Variants in KIAA0753 observed in about 807,000 individuals in gnomAD.
KIAA0753 encodes the protein KIAA0753, also known as protein moonraker.
Under a neutral mutation model 116.9 loss-of-function variants are expected in KIAA0753, and 114 were observed. The observed-to-expected ratio is 0.98, with a 90% CI of 0.84 to 1.14. The LOEUF (loss-of-function observed/expected upper bound fraction) is 1.14. Ranked by LOEUF, KIAA0753 falls within the 50% of genes most tolerant of loss-of-function variation. KIAA0753 has a pLI of 0.00. For synonymous variants in KIAA0753, 405 were observed against 413.1 expected, an observed-to-expected ratio of 0.98 and a Z score of 0.24; for missense variants, 1,156 against 1,172.4, an observed-to-expected ratio of 0.99 and a Z score of 0.20.
chr17:6,626,696 A>C (rs1377821001), intron 3 of KIAA0753, among the ~76,000 whole-genome samples: 1 of 152,164 alleles, frequency 6.6e-6, no homozygotes, highest in Non-Finnish European at 1.5e-5. Context: ...TAAGTACAGA[A>C]ATTTAAAGTA....
At chr17:6,582,863 A>C (rs938397076) in intron 18 of KIAA0753, among the ~76,000 whole-genome samples, 25 of 152,110 alleles carry the variant, frequency 1.6e-4, no homozygotes, top group African/African-American at 5.6e-4. Context: ...ACCTTAGAAT[A>C]CGAACTCTAT....
At chr17:6,624,249 C>G (rs1313581221) in intron 4 of KIAA0753, among the ~76,000 whole-genome samples, 2 of 152,150 alleles carry the variant, frequency 1.3e-5, no homozygotes, top group South Asian at 2.1e-4. Flanking sequence ...CTCAAAGACA[C>G]TTAACATGGT....
At chr17:6,631,037 T>C (rs1432349846) in intron 2 of KIAA0753, among the ~76,000 whole-genome samples, 1 of 152,170 alleles carries the variant, frequency 6.6e-6, no homozygotes, top group African/African-American at 2.4e-5. Context: ...TATACCTTTT[T>C]GTATATTTGG....
chr17:6,593,180 A>G (rs1230937186), intron 16 of KIAA0753, among the ~76,000 whole-genome samples: 1 of 152,206 alleles, frequency 6.6e-6, no homozygotes, highest in Non-Finnish European at 1.5e-5. Context: ...AGCAACCCCA[A>G]AAAAAAACTG....
chr17:6,628,839 A>T, intron 2 of KIAA0753, 98 bp from the exon 3 acceptor site: 1 of 1,201,254 alleles, frequency 8.3e-7, no homozygotes, highest in Non-Finnish European at 1.1e-6. Context: ...TTGCCACCAG[A>T]TCATTAGTGC....
At chr17:6,617,771 C>T (rs1242541430) in intron 7 of KIAA0753, among the ~76,000 whole-genome samples, 2 of 152,226 alleles carry the variant, frequency 1.3e-5, no homozygotes, top group Non-Finnish European at 1.5e-5. Flanking sequence ...AGACTGAGTT[C>T]GTCATCGATC....
At position 6,590,114 on chromosome 17, in the gene KIAA0753, C is replaced by T. The variant is rs74547253; in HGVS notation, c.2562-111G>A. On this transcript the variant is annotated intron_variant, in intron 17 of 18. Transcript: ENST00000361413. ...CAAAGGCTCATCTTGATTTCTCTTT[C>T]TCACAATGAACAAAACTGAACAACC... is the stretch of plus-strand genomic sequence containing the variant. 39,419 of 906,326 alleles carry T rather than the reference C, an allele frequency of 0.043. 2,081 individuals are homozygous for T. The highest frequency in any genetic ancestry group is 0.23 in the African/African-American group (13,540 of 59,320). 56.1% of individuals were successfully genotyped at this position (906,326 alleles called of 1,614,324 possible).
chr17:6,615,284 G>A (rs1249117662), intron 7 of KIAA0753, among the ~76,000 whole-genome samples: 1 of 152,094 alleles, frequency 6.6e-6, no homozygotes, highest in African/African-American at 2.4e-5. Context: ...CTGCCTGTTA[G>A]TCACCTAGTA....
At position 6,595,117 on chromosome 17, in the gene KIAA0753, T is replaced by A. The variant is rs1005044379; in HGVS notation, c.2359-64A>T. 10 of 1,152,976 alleles carry A rather than the reference T, an allele frequency of 8.7e-6. No homozygotes were observed. In the African/African-American group the frequency reaches 1.4e-4, roughly 16 times the overall value. The allele number at this position is 1,152,976 out of a possible 1,614,324, so 71.4% of individuals were successfully genotyped here. On this transcript the variant is annotated intron_variant, in intron 15 of 18. Transcript: ENST00000361413. ...AATGAGTTTAATTACAAACCAGAAC[T>A]GGTAAAGATGTAAAAGTTCAGCAGA...
intron 7 of KIAA0753, among the ~76,000 whole-genome samples, chr17:6,615,497 C>T (rs1443753155): frequency 6.6e-6 from 1 of 151,778 alleles, no homozygotes; most frequent in Non-Finnish European, 1.5e-5. Context: ...TGCCTGTAGT[C>T]CCAGCTACTC....
At chr17:6,615,139 T>A (rs1323893678) in intron 7 of KIAA0753, among the ~76,000 whole-genome samples, 1 of 152,138 alleles carries the variant, frequency 6.6e-6, no homozygotes, top group East Asian at 1.9e-4. Flanking sequence ...TTCACCATAT[T>A]GGTCAGTCTC....
intron 7 of KIAA0753, among the ~76,000 whole-genome samples, chr17:6,614,215 A>G (rs527831453): frequency 6.6e-6 from 1 of 152,328 alleles, no homozygotes; most frequent in South Asian, 2.1e-4. Flanking sequence ...TGTTCTGGTA[A>G]AGTTTAAGAT....
chr17:6,624,919 C>T (rs1043930231), intron 3 of KIAA0753, 58 bp from the exon 4 acceptor site: 28 of 1,062,930 alleles, frequency 2.6e-5, no homozygotes, highest in Non-Finnish European at 3.4e-5. Context: ...TTAAAACTTA[C>T]AAAGACTTCA....
At chr17:6,589,756 G>C (rs1390069064) in intron 18 of KIAA0753, 23 bp downstream of exon 18, 2 of 1,571,498 alleles carry the variant, frequency 1.3e-6, no homozygotes, top group Non-Finnish European at 1.7e-6. Context: ...TTCCTAAACA[G>C]AGGACCGTAA....
At chr17:6,605,387 G>C (rs751890016) in intron 12 of KIAA0753, among the ~76,000 whole-genome samples, 6 of 152,158 alleles carry the variant, frequency 3.9e-5, no homozygotes, top group African/African-American at 1.4e-4. Context: ...CTGGCTCACC[G>C]ACAGGCCCTC....
chr17:6,584,431 T>C (rs1301830479), intron 18 of KIAA0753, among the ~76,000 whole-genome samples: 1 of 152,240 alleles, frequency 6.6e-6, no homozygotes, highest in African/African-American at 2.4e-5. Context: ...CAGAAGTGAT[T>C]GCCTCGTTTT....
chr17:6,634,394 G>A (rs545916069), intron 2 of KIAA0753, among the ~76,000 whole-genome samples: 41 of 152,292 alleles, frequency 2.7e-4, no homozygotes, highest in Non-Finnish European at 5.0e-4. Context: ...GTGAGCCACC[G>A]CATCTGGCCC....
intron 7 of KIAA0753, among the ~76,000 whole-genome samples, chr17:6,617,914 C>G (rs1035130059): frequency 7.2e-5 from 11 of 152,184 alleles, no homozygotes; most frequent in Non-Finnish European, 1.2e-4. Flanking sequence ...ACCAGCCTGA[C>G]CAACATGGAG....
At position 6,610,041 on chromosome 17, in the gene KIAA0753, T is replaced by C. The variant is rs1269515419; in HGVS notation, c.1665A>G (p.Ala555=). 1 of 1,614,170 alleles carries C rather than the reference T, an allele frequency of 6.2e-7. No individual in the cohort carries two copies. Among genetic ancestry groups the C allele is most frequent in the Non-Finnish European group, 8.5e-7 (1 of 1,180,020 alleles). Residue 555 remains alanine, a synonymous_variant, in exon 9 of 19, where the codon GCA becomes GCG. Coordinates refer to ENST00000361413, the MANE Select transcript of KIAA0753 (RefSeq NM_014804.3). ...ATGTGGGGTTTGGGGGTATCCATGG[T>C]GCCTTGCGGTCTTTCACAGGCTGCC... ...MNRQPVKDRK[A]PWIPPNPTSP...
Sources: allele counts gnomAD v4.1 joint callset (sites outside exome capture counted in the v4.1 genomes callset), GRCh38; gene constraint gnomAD v4.1.1; transcripts MANE v1.5; gene names NCBI Gene and HGNC (gene_info 2026-07-23, HGNC 2026-07-21).